DPEP1: variants seen among roughly 807,000 people sequenced by gnomAD.
DPEP1 encodes the protein beta-lactamase.
A neutral mutation model predicts 42.3 loss-of-function variants in DPEP1; 50 were observed. The observed-to-expected ratio is 1.18, with a 90% CI of 0.94 to 1.50. DPEP1 has a LOEUF of 1.50. DPEP1 is among the 40% of genes most tolerant of loss of function. DPEP1 has a pLI of 0.00. For synonymous variants in DPEP1, 297 were observed against 234.0 expected (o/e 1.27, Z -2.46); for missense variants, 663 against 553.0 (o/e 1.20, Z -1.99).
At chr16:89,631,177 C>A (rs536199295) in intron 2 of DPEP1, among the ~76,000 whole-genome samples, 26 of 152,208 alleles carry the variant, frequency 1.7e-4, no homozygotes, top group African/African-American at 5.3e-4. Flanking sequence ...TGCCTTCTCC[C>A]GGGGGGAGGC....
intron 2 of DPEP1, among the ~76,000 whole-genome samples, chr16:89,631,576 C>T (rs1338243674): frequency 6.6e-6 from 1 of 152,230 alleles, no homozygotes; most frequent in African/African-American, 2.4e-5. Context: ...AGGGAACAGT[C>T]CAGGCTGGGC....
chr16:89,638,450 A>G, downstream of DPEP1: 1 of 1,317,736 alleles, frequency 7.6e-7, no homozygotes, highest in Non-Finnish European at 9.6e-7. Flanking sequence ...GGTACGTGTC[A>G]TCGGCATCCG....
At chr16:89,630,281 C>A in intron 1 of DPEP1, 24 bp from the exon 2 acceptor site, 1 of 644,736 alleles carries the variant, frequency 1.6e-6, no homozygotes, top group Non-Finnish European at 2.7e-6. Context: ...CTTCCACCCA[C>A]ACCTCTGGTG....
chr16:89,631,112 C>G (rs981598087), intron 2 of DPEP1, among the ~76,000 whole-genome samples: 6 of 152,076 alleles, frequency 3.9e-5, no homozygotes, highest in African/African-American at 1.4e-4. Flanking sequence ...CGGGTGGCAC[C>G]CTACAGGCCC....
At chr16:89,627,453 TGC>T (rs1447670037) in intron 1 of DPEP1, among the ~76,000 whole-genome samples, 2 of 149,438 alleles carry the variant, frequency 1.3e-5, no homozygotes, top group Non-Finnish European at 3.0e-5. Context: ...GGGTGTGGTG[TGC>T]GCCTGTAATC....
chr16:89,631,086 C>T (rs1408656958), intron 2 of DPEP1, among the ~76,000 whole-genome samples: 1 of 152,078 alleles, frequency 6.6e-6, no homozygotes, highest in Non-Finnish European at 1.5e-5. Flanking sequence ...TCAGCTTCTC[C>T]CAAAAGCAGC....
rs577371031 is a variant in DPEP1 at position 89,634,277 on chromosome 16, C to T, written c.105-1631C>T. ...CTAATTTTTGTATTTTTAGTAGAGA[C>T]GGGGTTTCACCATGTTAGCCAGGAT... On this transcript the variant is annotated intron_variant, in intron 2 of 10. Transcript: ENST00000690203. 1.5e-3 allele frequency among the ~76,000 whole-genome samples: 234 copies of T among 151,876 alleles called. 2 individuals carry two copies. The highest frequency in any genetic ancestry group is 2.8e-3 in the Non-Finnish European group (187 of 67,922).
At chr16:89,614,760 A>C (rs531925986) in intron 1 of DPEP1, among the ~76,000 whole-genome samples, 2 of 152,294 alleles carry the variant, frequency 1.3e-5, no homozygotes, top group South Asian at 2.1e-4. Context: ...GTGCCACTGC[A>C]CTCCAGCCTG....
rs74033806 is a variant in DPEP1 at position 89,623,531 on chromosome 16, G to A, written c.-106-6774G>A. Among the ~76,000 whole-genome samples, 756 of 152,244 alleles carry A rather than the reference G, an allele frequency of 5.0e-3. 6 individuals are homozygous for A. Among genetic ancestry groups the A allele is most frequent in the African/African-American group, 0.017 (720 of 41,548 alleles). On this transcript the variant is annotated intron_variant, in intron 1 of 10. Coordinates refer to ENST00000690203, the MANE Select transcript of DPEP1 (RefSeq NM_001389466.1). The stretch of plus-strand genomic sequence containing the variant: ...ACAATGGGAGACGCGTCTGCATTCC[G>A]TTTGGTAAACCTCAGAAGAGAACAG...
downstream of DPEP1, among the ~76,000 whole-genome samples, chr16:89,638,774 C>G (rs1283277429): frequency 1.0e-5 from 1 of 100,350 alleles, no homozygotes; most frequent in Admixed American, 1.0e-4. Context: ...TGCACGCACA[C>G]ACCCCACCCC....
chr16:89,637,977 G>C lies in DPEP1; in HGVS notation c.1065+6G>C. On this transcript the variant is annotated splice_donor_region_variant and intron_variant, in intron 10 of 10. Coordinates refer to ENST00000690203, the MANE Select transcript of DPEP1 (RefSeq NM_001389466.1). ...TCTTCGAGGCTGTGGAACAGGTGAG[G>C]ATGGGGTGGCCACCTGAGTCTCCCC... The C allele has an allele frequency of 6.2e-7, 1 of 1,607,846 alleles. No individual in the cohort carries two copies. The highest frequency in any genetic ancestry group is 8.5e-7 in the Non-Finnish European group (1 of 1,177,904).
upstream of DPEP1, chr16:89,613,576 G>A (rs1273265414): frequency 6.6e-6 from 1 of 152,402 alleles, no homozygotes; most frequent in Non-Finnish European, 1.5e-5. Flanking sequence ...GTTCCTGCAG[G>A]AAATGGGGCA....
chr16:89,623,671 C>T (rs4968054), intron 1 of DPEP1, among the ~76,000 whole-genome samples: 10,773 of 151,974 alleles, frequency 0.071, 567 homozygotes, highest in East Asian at 0.22. Context: ...CAAGAAAACA[C>T]GAAAGAACCG....
chr16:89,617,010 C>A, intron 1 of DPEP1: 2 of 203,326 alleles, frequency 9.8e-6, no homozygotes, highest in Non-Finnish European at 2.0e-5. Context: ...AGGTCCTGGG[C>A]AGGCCCTGGA....
At chr16:89,626,380 CTTG>C (rs1423188582) in intron 1 of DPEP1, 4 of 152,320 alleles carry the variant, frequency 2.6e-5, no homozygotes, top group Non-Finnish European at 4.4e-5. Flanking sequence ...GAGTTTCACT[CTTG>C]TTGCCCAAGC....
intron 2 of DPEP1, among the ~76,000 whole-genome samples, chr16:89,631,161 C>T (rs891241604): frequency 6.6e-6 from 1 of 152,138 alleles, no homozygotes; most frequent in Non-Finnish European, 1.5e-5. Context: ...CCCACTCCCC[C>T]CGGCCTGCCT....
intron 2 of DPEP1, among the ~76,000 whole-genome samples, chr16:89,631,643 G>A (rs1247044022): frequency 6.6e-6 from 1 of 152,186 alleles, no homozygotes; most frequent in Non-Finnish European, 1.5e-5. Flanking sequence ...ATCACCTGAG[G>A]TCAGGAGCTC....
chr16:89,626,107 C>T (rs2059507937), intron 1 of DPEP1, among the ~76,000 whole-genome samples: 1 of 152,106 alleles, frequency 6.6e-6, no homozygotes, highest in South Asian at 2.1e-4. Flanking sequence ...CCTGAGAGGC[C>T]CTGAGATTCT....
intron 2 of DPEP1, 95 bp from the exon 3 acceptor site, chr16:89,635,813 G>C: frequency 6.9e-7 from 1 of 1,453,044 alleles, no homozygotes; most frequent in Middle Eastern, 2.0e-4. Context: ...GTGAGGAGTA[G>C]GAAGTGGGGA....
Sources: gnomAD v4.1 joint callset for allele counts (sites outside exome capture counted in the v4.1 genomes callset) on GRCh38, gnomAD v4.1.1 for gene constraint, MANE v1.5 for transcripts, NCBI Gene and HGNC (gene_info 2026-07-23, HGNC 2026-07-21) for gene names.